GAB2: variants seen among roughly 807,000 people sequenced by gnomAD.
GAB2 encodes GRB2 associated binding protein 2.
Under a neutral mutation model 65.5 loss-of-function variants are expected in GAB2, and 26 were observed. That is an observed-to-expected ratio of 0.40 (90% CI 0.29 to 0.55). GAB2 has a LOEUF of 0.55. GAB2 is among the 20% of genes least tolerant of loss of function. The pLI, the probability that GAB2 is intolerant of heterozygous loss-of-function variation, is 0.53. For missense variants in GAB2, 884 were observed against 875.8 expected (o/e 1.01, Z -0.12); for synonymous variants, 321 against 329.6 (o/e 0.97, Z 0.28).
intron 1 of GAB2, among the ~76,000 whole-genome samples, chr11:78,356,696 GAAGT>G (rs1320840975): frequency 3.9e-5 from 6 of 152,170 alleles, no homozygotes; most frequent in East Asian, 3.8e-4. Context: ...ATGCTGTCAA[GAAGT>G]AAGGAATCTG....
chr11:78,274,032 G>T (rs969909400), intron 2 of GAB2, among the ~76,000 whole-genome samples: 20 of 150,900 alleles, frequency 1.3e-4, no homozygotes, highest in African/African-American at 4.6e-4. Flanking sequence ...TTTGTAAATT[G>T]CCCAGTCTCA....
At chr11:78,322,997 T>C (rs1855754611) in intron 1 of GAB2, among the ~76,000 whole-genome samples, 1 of 151,360 alleles carries the variant, frequency 6.6e-6, no homozygotes, top group Non-Finnish European at 1.5e-5. Context: ...TAAATTATTC[T>C]ACCAGAAAGA....
intron 1 of GAB2, among the ~76,000 whole-genome samples, chr11:78,293,488 A>C (rs1248077105): frequency 6.6e-6 from 1 of 152,226 alleles, no homozygotes; most frequent in Non-Finnish European, 1.5e-5. Flanking sequence ...ATTTAACACA[A>C]TCTCTATTCC....
intron 1 of GAB2, among the ~76,000 whole-genome samples, chr11:78,374,484 T>C (rs1032770478): frequency 6.6e-6 from 1 of 152,192 alleles, no homozygotes; most frequent in Non-Finnish European, 1.5e-5. Context: ...CTAGTCCTAG[T>C]GCCAATTCTG....
At chr11:78,360,853 C>T (rs1345939622) in intron 1 of GAB2, among the ~76,000 whole-genome samples, 1 of 151,932 alleles carries the variant, frequency 6.6e-6, no homozygotes, top group African/African-American at 2.4e-5. Flanking sequence ...AGCAAAACTT[C>T]GTCTCAAAGA....
intron 1 of GAB2, among the ~76,000 whole-genome samples, chr11:78,317,453 G>C (rs112632653): frequency 9.2e-5 from 14 of 151,390 alleles, no homozygotes; most frequent in South Asian, 2.1e-4. Flanking sequence ...CCAGCCACTC[G>C]GGAGGCTGAA....
chr11:78,268,073 C>A (rs1039373108), intron 2 of GAB2, among the ~76,000 whole-genome samples: 1 of 152,052 alleles, frequency 6.6e-6, no homozygotes, highest in Non-Finnish European at 1.5e-5. Flanking sequence ...TCCCAAGCAA[C>A]CAGTGGGGAG....
intron 1 of GAB2, among the ~76,000 whole-genome samples, chr11:78,360,211 A>T (rs1856415705): frequency 6.6e-6 from 1 of 152,128 alleles, no homozygotes; most frequent in African/African-American, 2.4e-5. Context: ...CCTGAACTGT[A>T]AGACGATAAA....
At chr11:78,301,660 G>A (rs7103730) in intron 1 of GAB2, among the ~76,000 whole-genome samples, 3 of 152,130 alleles carry the variant, frequency 2.0e-5, no homozygotes, top group African/African-American at 4.8e-5. Flanking sequence ...AAGAACAAAC[G>A]TTTCTGAGTT....
chr11:78,392,279 T>C (rs950312649), intron 1 of GAB2: 1 of 152,126 alleles, frequency 6.6e-6, no homozygotes, highest in Admixed American at 6.6e-5. Context: ...AACTGTATTT[T>C]CTTTGCCTAA....
chr11:78,372,039 T>A (rs1450444926), intron 1 of GAB2, among the ~76,000 whole-genome samples: 3 of 149,436 alleles, frequency 2.0e-5, no homozygotes, highest in African/African-American at 7.7e-5. Context: ...TGTTAATCCA[T>A]GTCACAAGGC....
At chr11:78,364,643 C>G (rs143471747) in intron 1 of GAB2, among the ~76,000 whole-genome samples, 158 of 152,228 alleles carry the variant, frequency 1.0e-3, no homozygotes, top group Non-Finnish European at 2.0e-3. Context: ...ATAGCCATCC[C>G]CCCAAATTCC....
At chr11:78,403,960 C>T (rs772835430) in intron 1 of GAB2, among the ~76,000 whole-genome samples, 8 of 151,906 alleles carry the variant, frequency 5.3e-5, no homozygotes, top group South Asian at 2.1e-4. Flanking sequence ...TGATAACAGA[C>T]GCTGGGAAGG....
At chr11:78,278,085 T>C (rs1320393705) in intron 2 of GAB2, among the ~76,000 whole-genome samples, 1 of 151,786 alleles carries the variant, frequency 6.6e-6, no homozygotes, top group African/African-American at 2.4e-5. Context: ...TTTTTTTTTT[T>C]TGAGACAGAG....
Position 78,215,754 on chromosome 11 carries a change from A to C in GAB2, c.*3518T>G, listed in dbSNP as rs1415510002. 1 of 147,956 alleles carries C rather than the reference A, an allele frequency of 6.8e-6. No individual in the cohort carries two copies. The highest frequency in any genetic ancestry group is 1.5e-5 in the Non-Finnish European group (1 of 67,420). 9.2% of individuals were successfully genotyped at this position (147,956 alleles called of 1,614,324 possible). On this transcript the variant is annotated 3_prime_UTR_variant, in exon 10 of 10. Coordinates refer to ENST00000361507, the MANE Select transcript of GAB2 (RefSeq NM_080491.3). ...GTCCCAGGTCCTAAACAGCAGGGCT[A>C]GTCCCAGAAAGACGACCCCCCACGG...
intron 1 of GAB2, among the ~76,000 whole-genome samples, chr11:78,363,613 C>G (rs1467589565): frequency 6.9e-6 from 1 of 145,162 alleles, no homozygotes; most frequent in East Asian, 2.0e-4. Flanking sequence ...GAGACAGGGT[C>G]TCACTTTGTT....
At position 78,222,215 on chromosome 11, in the gene GAB2, T is replaced by A. The variant is rs536582167; in HGVS notation, c.1568-20A>T. The A allele has an allele frequency of 2.6e-6, 4 of 1,549,804 alleles. No homozygotes were observed. In the African/African-American group the frequency reaches 5.4e-5, roughly 21 times the overall value. On this transcript the variant is annotated intron_variant, in intron 6 of 9. Transcript: ENST00000361507. ...GCTTTGCTGGAGCAGGAAAAGAAAG[T>A]CTGGTAATCAGCCAGTAATGATAAT...
At chr11:78,348,793 T>C (rs1856229886) in intron 1 of GAB2, among the ~76,000 whole-genome samples, 1 of 152,154 alleles carries the variant, frequency 6.6e-6, no homozygotes, top group African/African-American at 2.4e-5. Flanking sequence ...CAGCTTTATT[T>C]AAAAGAGCCA....
chr11:78,351,318 CAT>C (rs1353408750), intron 1 of GAB2, among the ~76,000 whole-genome samples: 1 of 151,050 alleles, frequency 6.6e-6, no homozygotes, highest in Non-Finnish European at 1.5e-5. Flanking sequence ...AGAAGCATAA[CAT>C]AGAAGTAAAA....
Sources: allele counts gnomAD v4.1 joint callset (sites outside exome capture counted in the v4.1 genomes callset), GRCh38; gene constraint gnomAD v4.1.1; transcripts MANE v1.5; gene names NCBI Gene and HGNC (gene_info 2026-07-23, HGNC 2026-07-21).